Variants in DPYD observed in about 807,000 individuals in gnomAD.
DPYD encodes dihydropyrimidine dehydrogenase [NADP(+)].
Under a neutral mutation model 116.2 loss-of-function variants are expected in DPYD, and 109 were observed. The observed-to-expected ratio is 0.94, with a 90% CI of 0.80 to 1.10. The LOEUF is 1.10. DPYD is among the 50% of genes least tolerant of loss of function. The probability of loss-of-function intolerance (pLI) is 0.00; values close to 1 mark genes in which losing one functional copy is unlikely to be tolerated. For missense variants in DPYD, 1,302 were observed against 1,254.5 expected (o/e 1.04, Z -0.57); for synonymous variants, 440 against 432.0 (o/e 1.02, Z -0.23).
intron 11 of DPYD, among the ~76,000 whole-genome samples, chr1:97,568,666 A>G (rs1652694383): frequency 6.6e-6 from 1 of 152,164 alleles, no homozygotes; most frequent in African/African-American, 2.4e-5. Flanking sequence ...ATTCAGAGCA[A>G]TAGAATAATA....
chr1:97,385,227 G>A (rs1672257214), intron 14 of DPYD, among the ~76,000 whole-genome samples: 1 of 128,778 alleles, frequency 7.8e-6, no homozygotes, highest in Admixed American at 1.0e-4. Flanking sequence ...ATCAAAGAGG[G>A]CACCAGATCT....
intron 14 of DPYD, among the ~76,000 whole-genome samples, chr1:97,385,596 T>C (rs1164176162): frequency 6.8e-6 from 1 of 146,450 alleles, no homozygotes; most frequent in Non-Finnish European, 1.5e-5. Context: ...CATAACAAAA[T>C]AATCCCCCAA....
chr1:97,509,017 C>A (rs1647574879), intron 13 of DPYD, among the ~76,000 whole-genome samples: 1 of 151,872 alleles, frequency 6.6e-6, no homozygotes, highest in South Asian at 2.1e-4. Flanking sequence ...GCTGAGGACC[C>A]AGGCATGTGA....
intron 3 of DPYD, among the ~76,000 whole-genome samples, chr1:97,760,446 A>C (rs1273657567): frequency 1.3e-5 from 2 of 152,162 alleles, no homozygotes; most frequent in African/African-American, 2.4e-5. Flanking sequence ...TACAACAATA[A>C]AAATAACATG....
At chr1:97,577,443 C>G (rs1177900913) in intron 10 of DPYD, among the ~76,000 whole-genome samples, 1 of 152,122 alleles carries the variant, frequency 6.6e-6, no homozygotes, top group Non-Finnish European at 1.5e-5. Context: ...TGCTTTAAAC[C>G]AACCAGTTAA....
chr1:97,255,421 G>A (rs1370723239), intron 18 of DPYD, among the ~76,000 whole-genome samples: 4 of 152,086 alleles, frequency 2.6e-5, no homozygotes, highest in African/African-American at 9.7e-5. Context: ...TAAATCATGT[G>A]GGCAGGTCTT....
At chr1:97,825,996 T>C (rs538127102) in intron 3 of DPYD, among the ~76,000 whole-genome samples, 1 of 150,770 alleles carries the variant, frequency 6.6e-6, no homozygotes, top group Non-Finnish European at 1.5e-5. Flanking sequence ...TATTCCACTG[T>C]GTTTAATGAA....
At chr1:97,663,624 CTCT>C (rs1281337294) in intron 8 of DPYD, among the ~76,000 whole-genome samples, 19 of 152,206 alleles carry the variant, frequency 1.2e-4, no homozygotes, top group South Asian at 4.1e-4. Flanking sequence ...TCTCACTAAT[CTCT>C]TACCTCTCAC....
intron 16 of DPYD, among the ~76,000 whole-genome samples, chr1:97,343,573 T>A (rs1669692024): frequency 6.6e-6 from 1 of 152,122 alleles, no homozygotes; most frequent in African/African-American, 2.4e-5. Context: ...AGCAAAATAA[T>A]GTTTCTCATA....
chr1:97,569,040 A>ATGAGT, intron 11 of DPYD, among the ~76,000 whole-genome samples: 1 of 152,148 alleles, frequency 6.6e-6, no homozygotes, highest in Non-Finnish European at 1.5e-5. Context: ...GCTAAAGTAC[A>ATGAGT]TTCATTCAGT....
At chr1:97,323,173 A>G (rs1668406586) in intron 16 of DPYD, among the ~76,000 whole-genome samples, 1 of 149,408 alleles carries the variant, frequency 6.7e-6, no homozygotes, top group Non-Finnish European at 1.5e-5. Flanking sequence ...ATATATGTAT[A>G]TATACATATC....
chr1:97,236,193 T>C (rs1288734658), intron 18 of DPYD, among the ~76,000 whole-genome samples: 1 of 152,154 alleles, frequency 6.6e-6, no homozygotes, highest in Non-Finnish European at 1.5e-5. Flanking sequence ...GTTCAACTTA[T>C]GCAAGAATTT....
chr1:97,083,497 A>G lies in DPYD; in HGVS notation c.2767-1027T>C, dbSNP rs760866917. Among the ~76,000 whole-genome samples, 91 of 152,192 alleles carry G rather than the reference A, an allele frequency of 6.0e-4. 1 individual carries two copies. The highest frequency in any genetic ancestry group is 4.4e-4 in the Non-Finnish European group (30 of 67,976). ...AATTTCAAACTGAGACAAAGTTTAC[A>G]TTTTTATACAGTTCCTTTGTGTATC... On this transcript the variant is annotated intron_variant, in intron 21 of 22. Coordinates refer to ENST00000370192, the MANE Select transcript of DPYD (RefSeq NM_000110.4).
chr1:97,463,472 G>C (rs188732405), intron 13 of DPYD, among the ~76,000 whole-genome samples: 1 of 152,246 alleles, frequency 6.6e-6, no homozygotes, highest in African/African-American at 2.4e-5. Context: ...TTTATTAGCA[G>C]CATGTAATGG....
At chr1:97,493,839 A>T (rs1271200643) in intron 13 of DPYD, among the ~76,000 whole-genome samples, 26 of 152,196 alleles carry the variant, frequency 1.7e-4, no homozygotes, top group Admixed American at 1.7e-3. Context: ...AATATTATTG[A>T]TCGATTTCTA....
At chr1:97,190,767 A>G (rs1016738388) in intron 20 of DPYD, among the ~76,000 whole-genome samples, 1 of 152,194 alleles carries the variant, frequency 6.6e-6, no homozygotes, top group Non-Finnish European at 1.5e-5. Context: ...TTGTTTCCAT[A>G]GCCCAAGTCT....
chr1:97,372,805 T>TAC (rs1364120094), intron 16 of DPYD, among the ~76,000 whole-genome samples: 1 of 151,826 alleles, frequency 6.6e-6, no homozygotes, highest in African/African-American at 2.4e-5. Flanking sequence ...GGAGATAAAA[T>TAC]AAACTTTCCA....
chr1:97,872,444 A>G (rs923472327), intron 2 of DPYD, among the ~76,000 whole-genome samples: 3 of 152,000 alleles, frequency 2.0e-5, no homozygotes, highest in African/African-American at 7.2e-5. Context: ...TGTCACATGG[A>G]TGTGGAGAAA....
chr1:97,416,263 A>C (rs1038525535), intron 14 of DPYD, among the ~76,000 whole-genome samples: 2 of 152,212 alleles, frequency 1.3e-5, no homozygotes, highest in Admixed American at 6.5e-5. Flanking sequence ...ACAAGGAATA[A>C]ATTCACATAA....
Sources: gnomAD v4.1 joint callset for allele counts (sites outside exome capture counted in the v4.1 genomes callset) on GRCh38, gnomAD v4.1.1 for gene constraint, MANE v1.5 for transcripts, NCBI Gene and HGNC (gene_info 2026-07-23, HGNC 2026-07-21) for gene names.